The following PALMD variants were observed in gnomAD, a reference collection of about 807,000 sequenced individuals.
PALMD encodes the protein paralemmin-like protein.
In PALMD, 42 loss-of-function variants were observed where a neutral mutation model predicts 56.2. The observed-to-expected ratio is 0.75, with a 90% CI of 0.58 to 0.97. The LOEUF (loss-of-function observed/expected upper bound fraction) is 0.97, where lower values mean the gene tolerates loss of function less well. PALMD is among the 50% of genes least tolerant of loss of function. The pLI is 0.00. For synonymous variants in PALMD, 242 were observed against 222.9 expected (o/e 1.09, Z -0.76); for missense variants, 660 against 643.8 (o/e 1.03, Z -0.27).
In PALMD at chr1:99,675,417, T is replaced by C. The variant is rs111363497; in HGVS notation, c.251+7651T>C. Among the ~76,000 whole-genome samples the C allele has an allele frequency of 5.8e-3, 890 of 152,332 alleles. 9 individuals carry two copies. The highest frequency in any genetic ancestry group is 0.021 in the African/African-American group (855 of 41,576). ...GGAAAAGAAAAGAGGCTTACCAGAA[T>C]CATGGATAAGTATATCTTCAGTTAA... On this transcript the variant is annotated intron_variant, in intron 3 of 7. Coordinates refer to ENST00000263174, the MANE Select transcript of PALMD (RefSeq NM_017734.5).
Position 99,689,209 on chromosome 1 carries a change from T to C in PALMD, c.949T>C (p.Phe317Leu), listed in dbSNP as rs61741704. 5.6e-4 allele frequency: 900 copies of C among 1,613,546 alleles called. 2 individuals are homozygous for C. In the African/African-American group the frequency reaches 0.01, roughly 19 times the overall value. Residue 317 changes from phenylalanine (F) to leucine (L), a missense_variant, in exon 7 of 8, where the codon TTC (phenylalanine) becomes CTC (leucine). Coordinates refer to ENST00000263174, the MANE Select transcript of PALMD (RefSeq NM_017734.5). Reference sequence around the variant, plus strand: ...TCTTTCAGAGGAAAGGGGAAACAACTTCAATCACATCAGTCCCATTCCGCC... The same window carrying C: ...TCTTTCAGAGGAAAGGGGAAACAACCTCAATCACATCAGTCCCATTCCGCC... ...NGLSEERGNN[F>L]NHISPIPPVP...
At chr1:99,653,018 C>G (rs1571058803) in intron 1 of PALMD, among the ~76,000 whole-genome samples, 1 of 152,132 alleles carries the variant, frequency 6.6e-6, no homozygotes, top group Admixed American at 6.6e-5. Context: ...AGTTCAGGCC[C>G]CTTTTTCCTC....
At chr1:99,681,091 A>ATGTG (rs1327669485) in intron 3 of PALMD, among the ~76,000 whole-genome samples, 13 of 121,078 alleles carry the variant, frequency 1.1e-4, no homozygotes, top group African/African-American at 4.2e-4. Context: ...ATATACATAT[A>ATGTG]TGTGTGTGTA....
At chr1:99,648,508 CCTAGA>C (rs1477045361) in intron 1 of PALMD, among the ~76,000 whole-genome samples, 1 of 152,154 alleles carries the variant, frequency 6.6e-6, no homozygotes, top group African/African-American at 2.4e-5. Flanking sequence ...GAATCTCCAA[CCTAGA>C]CTAAAACTCA....
intron 3 of PALMD, among the ~76,000 whole-genome samples, chr1:99,674,784 G>A (rs140873354): frequency 2.7e-4 from 41 of 152,276 alleles, no homozygotes; most frequent in African/African-American, 9.6e-4. Context: ...AAACAAAGGA[G>A]CAACTGAACA....
intron 2 of PALMD, among the ~76,000 whole-genome samples, chr1:99,666,737 T>A (rs1312547199): frequency 2.6e-5 from 4 of 152,140 alleles, no homozygotes; most frequent in African/African-American, 7.2e-5. Context: ...TCCTTGAAAA[T>A]AACATGACCA....
chr1:99,689,224 C>G lies in PALMD; in HGVS notation c.964C>G (p.Pro322Ala), dbSNP rs756704907. ...ERGNNFNHIS[P>A]IPPVPHPRSV... ...GGGAAACAACTTCAATCACATCAGT[C>G]CCATTCCGCCAGTGCCTCATCCCCG... The change falls in exon 7 of 8, where the codon CCC becomes GCC. Residue 322 changes from proline to alanine, a missense_variant. By Grantham distance (27) the Pro-to-Ala change is conservative (BLOSUM62 -1). Coordinates refer to ENST00000263174, the MANE Select transcript of PALMD (RefSeq NM_017734.5). 6.2e-7 allele frequency: 1 copy of G among 1,613,654 alleles called. No individual in the cohort carries two copies. Among genetic ancestry groups the G allele is most frequent in the Non-Finnish European group, 8.5e-7 (1 of 1,179,824 alleles).
At chr1:99,647,081 G>T (rs543858377) in intron 1 of PALMD, among the ~76,000 whole-genome samples, 1 of 152,154 alleles carries the variant, frequency 6.6e-6, no homozygotes, top group Non-Finnish European at 1.5e-5. Context: ...GTCAAAGCCA[G>T]AAATAAATTA....
chr1:99,681,934 C>A (rs893678843), intron 3 of PALMD, among the ~76,000 whole-genome samples: 1 of 152,170 alleles, frequency 6.6e-6, no homozygotes, highest in Non-Finnish European at 1.5e-5. Flanking sequence ...GACAGTCAGT[C>A]CTCAAAAACT....
chr1:99,667,933 C>G, intron 3 of PALMD, 167 bp downstream of exon 3: 1 of 593,782 alleles, frequency 1.7e-6, no homozygotes, highest in Non-Finnish European at 2.9e-6. Context: ...GGCTGGAGTG[C>G]AGTGACATGA....
rs1653588055 is a variant in PALMD at position 99,688,878 on chromosome 1, A to T, written c.618A>T (p.Gly206=). ...CATCAGATGACTTTAAAGGTACAGG[A>T]ATAAAAGTTTATGATGATGGGCAAA... ...PLPSDDFKGT[G]IKVYDDGQKS... Residue 206 remains glycine, a synonymous_variant, in exon 7 of 8, where the codon GGA becomes GGT. Coordinates refer to ENST00000263174, the MANE Select transcript of PALMD (RefSeq NM_017734.5). The T allele has an allele frequency of 6.2e-7, 1 of 1,613,650 alleles. No homozygotes were observed. The highest frequency in any genetic ancestry group is 1.3e-5 in the African/African-American group (1 of 75,002).
intron 3 of PALMD, chr1:99,669,299 C>T (rs1032400682): frequency 2.0e-5 from 3 of 151,976 alleles, no homozygotes. Context: ...TTTATAAACC[C>T]CTCAGTTATT....
chr1:99,683,127 AAAGAAAGAAAGAAAGAAAGAAAG>A (rs1653405465), intron 3 of PALMD: 1 of 126,186 alleles, frequency 7.9e-6, no homozygotes, highest in Non-Finnish European at 1.6e-5. Flanking sequence ...AGAAAGAAAG[AAAGAAAGAAAGAAAGAAAGAAAG>A]AAAGAAAGAA....
At chr1:99,654,261 A>G (rs1652662218) in intron 1 of PALMD, among the ~76,000 whole-genome samples, 1 of 152,102 alleles carries the variant, frequency 6.6e-6, no homozygotes, top group Non-Finnish European at 1.5e-5. Context: ...TATAAAAAGC[A>G]GTAGCTTTCT....
intron 3 of PALMD, among the ~76,000 whole-genome samples, chr1:99,681,113 G>GTATA (rs1387369773): frequency 9.4e-5 from 13 of 138,752 alleles, no homozygotes; most frequent in African/African-American, 3.8e-4. Context: ...ATATGTGTGT[G>GTATA]TGTGTGTGTG....
At chr1:99,663,323 T>C (rs535862718) in intron 2 of PALMD, among the ~76,000 whole-genome samples, 104 of 152,316 alleles carry the variant, frequency 6.8e-4, no homozygotes, top group Non-Finnish European at 1.2e-3. Flanking sequence ...TGATGGATAA[T>C]TTCAAAGCAC....
chr1:99,688,098 G>A (rs1234032750), intron 6 of PALMD, among the ~76,000 whole-genome samples: 1 of 152,108 alleles, frequency 6.6e-6, no homozygotes, highest in African/African-American at 2.4e-5. Context: ...ATTTGTCTCA[G>A]TGCAGCTGAT....
At position 99,689,433 on chromosome 1, in the gene PALMD, C is replaced by T. The variant is rs368500363; in HGVS notation, c.1173C>T (p.Asp391=). 39 of 1,613,236 alleles carry T rather than the reference C, an allele frequency of 2.4e-5. No individual in the cohort carries two copies. Among genetic ancestry groups the T allele is most frequent in the East Asian group, 1.8e-4 (8 of 44,864 alleles). Reference sequence around the variant, plus strand: ...ATTCTTCACCCACTTGTCAGGAGGACGAGGAAGATGTCAGATATAATATCG... The same window carrying T: ...ATTCTTCACCCACTTGTCAGGAGGATGAGGAAGATGTCAGATATAATATCG... ...HQNSSPTCQE[D]EEDVRYNIVH... Residue 391 remains aspartate, a synonymous_variant, in exon 7 of 8, where the codon GAC becomes GAT. Coordinates refer to ENST00000263174, the MANE Select transcript of PALMD (RefSeq NM_017734.5).
At chr1:99,682,798 G>C (rs568575390) in intron 3 of PALMD, among the ~76,000 whole-genome samples, 3 of 151,748 alleles carry the variant, frequency 2.0e-5, no homozygotes, top group Admixed American at 6.6e-5. Flanking sequence ...TTGAGGTCAG[G>C]AGTTTGAGAC....
Sources: allele counts gnomAD v4.1 joint callset (sites outside exome capture counted in the v4.1 genomes callset), GRCh38; gene constraint gnomAD v4.1.1; transcripts MANE v1.5; gene names NCBI Gene and HGNC (gene_info 2026-07-23, HGNC 2026-07-21).